MPP7: variants seen among roughly 807,000 people sequenced by gnomAD.
MPP7 encodes MAGUK p55 subfamily member 7.
MPP7 carries 60 observed loss-of-function variants against 76.5 expected under a neutral mutation model. The ratio of observed to expected loss-of-function variants is 0.78; its 90% confidence interval spans 0.64 to 0.97. MPP7 has a LOEUF of 0.97. Among genes scored for constraint, MPP7 ranks in the 50% least tolerant of loss-of-function variants. MPP7 has a pLI of 0.00. For synonymous variants in MPP7, 237 were observed against 244.5 expected, an observed-to-expected ratio of 0.97 and a Z score of 0.29; for missense variants, 641 against 694.0, an observed-to-expected ratio of 0.92 and a Z score of 0.86.
At chr10:28,202,625 G>C (rs1837815811) in intron 2 of MPP7, among the ~76,000 whole-genome samples, 1 of 152,150 alleles carries the variant, frequency 6.6e-6, no homozygotes, top group Non-Finnish European at 1.5e-5. Context: ...GAGCCAAAGA[G>C]TGAAATGAGT....
intron 2 of MPP7, among the ~76,000 whole-genome samples, chr10:28,313,007 C>T (rs1010865571): frequency 3.9e-5 from 6 of 152,180 alleles, no homozygotes; most frequent in Non-Finnish European, 8.8e-5. Context: ...GGGGATGTTT[C>T]CAGGACCCAG....
At chr10:28,187,712 A>G (rs1413978899) in intron 3 of MPP7, among the ~76,000 whole-genome samples, 1 of 152,184 alleles carries the variant, frequency 6.6e-6, no homozygotes, top group Non-Finnish European at 1.5e-5. Context: ...CTGATTCACT[A>G]ATATGTAAAT....
chr10:28,240,277 G>A (rs559692099), intron 1 of MPP7, among the ~76,000 whole-genome samples: 50 of 152,266 alleles, frequency 3.3e-4, no homozygotes, highest in African/African-American at 1.2e-3. Flanking sequence ...CATCAATTCT[G>A]AAAGCCTTTA....
chr10:28,129,314 A>G (rs553037527), intron 6 of MPP7, among the ~76,000 whole-genome samples: 1 of 152,298 alleles, frequency 6.6e-6, no homozygotes, highest in East Asian at 1.9e-4. Context: ...TTCCTACATA[A>G]TTATTTTGAA....
intron 2 of MPP7, chr10:28,202,930 G>C (rs188190320): frequency 2.0e-5 from 3 of 152,002 alleles, no homozygotes; most frequent in African/African-American, 7.3e-5. Flanking sequence ...CGGGTTACTC[G>C]TGGCGTCCTC....
At chr10:28,291,711 A>C (rs1319151001) in intron 1 of MPP7, among the ~76,000 whole-genome samples, 1 of 152,256 alleles carries the variant, frequency 6.6e-6, no homozygotes, top group Non-Finnish European at 1.5e-5. Flanking sequence ...ACATTTTAAA[A>C]AATTTTTTTA....
At chr10:28,079,981 G>A (rs1852682446) in intron 12 of MPP7, among the ~76,000 whole-genome samples, 3 of 150,120 alleles carry the variant, frequency 2.0e-5, no homozygotes, top group Admixed American at 6.7e-5. Context: ...AATTAGCCAG[G>A]TGTGGTGCGG....
chr10:28,166,400 ATTTTT>A (rs34887665), intron 3 of MPP7, among the ~76,000 whole-genome samples: 8 of 93,436 alleles, frequency 8.6e-5, no homozygotes, highest in Admixed American at 6.8e-4. Flanking sequence ...TTACCTTTTA[ATTTTT>A]TTTTTTTTTT....
chr10:28,161,274 A>G (rs772903359), intron 3 of MPP7, among the ~76,000 whole-genome samples: 3 of 152,134 alleles, frequency 2.0e-5, no homozygotes, highest in Non-Finnish European at 2.9e-5. Flanking sequence ...CACTGCTACC[A>G]TCACAGCTGG....
chr10:28,204,606 G>A (rs1034193724), intron 2 of MPP7, among the ~76,000 whole-genome samples: 4 of 152,044 alleles, frequency 2.6e-5, no homozygotes, highest in South Asian at 2.1e-4. Context: ...TGCTACCATC[G>A]GAAGAAAGTA....
intron 1 of MPP7, among the ~76,000 whole-genome samples, chr10:28,274,288 G>C (rs1269578973): frequency 1.3e-5 from 2 of 151,008 alleles, no homozygotes; most frequent in Non-Finnish European, 2.9e-5. Flanking sequence ...ATTTTTAGTA[G>C]AGACGGGGTT....
intron 3 of MPP7, among the ~76,000 whole-genome samples, chr10:28,187,764 A>G (rs1410322977): frequency 1.3e-5 from 2 of 152,188 alleles, no homozygotes; most frequent in East Asian, 3.8e-4. Context: ...TGTTGCTTCT[A>G]GATTAAAAGG....
chr10:28,250,674 T>C (rs1588982326), intron 1 of MPP7, among the ~76,000 whole-genome samples: 2 of 152,366 alleles, frequency 1.3e-5, no homozygotes, highest in South Asian at 2.1e-4. Flanking sequence ...CCTTTCTTAT[T>C]GCTTTCTTTG....
intron 12 of MPP7, among the ~76,000 whole-genome samples, chr10:28,086,483 G>A (rs998975571): frequency 1.3e-5 from 2 of 152,192 alleles, no homozygotes; most frequent in Admixed American, 6.5e-5. Context: ...ATGAATTTTA[G>A]TGCAATCAGT....
intron 5 of MPP7, 122 bp from the exon 6 acceptor site, chr10:28,131,813 A>G (rs2133682532): frequency 2.8e-6 from 1 of 363,400 alleles, no homozygotes; most frequent in South Asian, 1.0e-4. Flanking sequence ...TACGGTTTTG[A>G]CATAGTAGTG....
At chr10:28,138,642 A>T (rs1312574035) in intron 5 of MPP7, among the ~76,000 whole-genome samples, 2 of 152,200 alleles carry the variant, frequency 1.3e-5, no homozygotes, top group African/African-American at 4.8e-5. Flanking sequence ...GTCATTTCCT[A>T]ACTATCAAAG....
In MPP7 at chr10:28,313,853, A is replaced by ATTTTTTTTTTTTT. The variant is rs1192149562; in HGVS notation, c.-132+16063_-132+16075dup. ...AGGTGTGTGCCACTATACCTGGCTA[A>ATTTTTTTTTTTTT]TTTTTTTTTTTTTATTTTTTTTATT... On this transcript the variant is annotated intron_variant, in intron 2 of 11. Coordinates refer to the MPP7 transcript ENST00000441595. Among the ~76,000 whole-genome samples the ATTTTTTTTTTTTT allele has an allele frequency of 6.1e-5, 2 of 32,676 alleles. 1 individual carries two copies. Among genetic ancestry groups the ATTTTTTTTTTTTT allele is most frequent in the Non-Finnish European group, 1.1e-4 (2 of 18,990 alleles). 21.4% of individuals were successfully genotyped at this position (32,676 alleles called of 152,430 possible). A position where few individuals can be genotyped will look rare whatever the true frequency, so the allele number is the denominator to read the frequency against.
intron 3 of MPP7, among the ~76,000 whole-genome samples, chr10:28,157,040 T>C (rs148053100): frequency 0.11 from 16,588 of 151,828 alleles, 1,508 homozygotes; most frequent in East Asian, 0.44. Context: ...TGAAACCCTG[T>C]CTCTACCAAA....
intron 12 of MPP7, among the ~76,000 whole-genome samples, chr10:28,086,602 C>G (rs763986519): frequency 7.2e-5 from 11 of 152,124 alleles, no homozygotes; most frequent in Non-Finnish European, 1.5e-4. Context: ...ATTCTGGGAG[C>G]ATTATTTTGC....
Sources: gnomAD v4.1 joint callset for allele counts (sites outside exome capture counted in the v4.1 genomes callset) on GRCh38, gnomAD v4.1.1 for gene constraint, MANE v1.5 for transcripts, NCBI Gene and HGNC (gene_info 2026-07-23, HGNC 2026-07-21) for gene names.